The following FSTL4 variants were observed in gnomAD, a reference collection of about 807,000 sequenced individuals.
FSTL4 encodes follistatin-related protein 4.
Under a neutral mutation model 78.2 loss-of-function variants are expected in FSTL4, and 28 were observed. The observed-to-expected ratio is 0.36, with a 90% confidence interval of 0.27 to 0.49. The LOEUF (loss-of-function observed/expected upper bound fraction) is 0.49. FSTL4 is among the 20% of genes least tolerant of loss of function. The probability of loss-of-function intolerance (pLI) is 0.98; values close to 1 mark genes in which losing one functional copy is unlikely to be tolerated. For missense variants in FSTL4, 922 were observed against 1,084.9 expected (o/e 0.85, Z 2.11); for synonymous variants, 422 against 440.5 (o/e 0.96, Z 0.53).
intron 3 of FSTL4, among the ~76,000 whole-genome samples, chr5:133,437,485 G>GTTTTTTTTTTTTTTTTTTTTTTTTTTT (rs11401684): frequency 1.0e-5 from 1 of 95,384 alleles, no homozygotes; most frequent in Non-Finnish European, 2.0e-5. Context: ...GTAAATAGGT[G>GTTTTTTTTTTTTTTTTTTTTTTTTTTT]TTTTTTTTTT....
intron 2 of FSTL4, among the ~76,000 whole-genome samples, chr5:133,588,220 C>T (rs2112963676): frequency 8.7e-6 from 1 of 114,306 alleles, no homozygotes; most frequent in East Asian, 3.2e-4. Context: ...AGGACATAGG[C>T]GTGGGCAAGG....
chr5:133,416,206 T>C (rs780533838), intron 3 of FSTL4, among the ~76,000 whole-genome samples: 5 of 152,200 alleles, frequency 3.3e-5, no homozygotes, highest in Non-Finnish European at 5.9e-5. Context: ...TAAAAGGCAG[T>C]CTGAAGAAGC....
At chr5:133,209,833 T>A (rs1230226620) in intron 14 of FSTL4, 1 of 209,654 alleles carries the variant, frequency 4.8e-6, no homozygotes, top group Admixed American at 5.3e-5. Context: ...TTGGCTAACA[T>A]CTGCTGCTTG....
At chr5:133,213,070 T>C (rs1267144230) in intron 13 of FSTL4, among the ~76,000 whole-genome samples, 2 of 68,648 alleles carry the variant, frequency 2.9e-5, no homozygotes, top group Non-Finnish European at 4.0e-5. Flanking sequence ...TGGTGCAATC[T>C]TGGCTCACTG....
At chr5:133,596,227 G>A (rs919257747) in intron 2 of FSTL4, among the ~76,000 whole-genome samples, 1 of 152,158 alleles carries the variant, frequency 6.6e-6, no homozygotes, top group Non-Finnish European at 1.5e-5. Context: ...GGGAAGAGAC[G>A]TCCTCTGAAA....
In FSTL4 at chr5:133,338,668, C is replaced by G. The variant is rs1183041857; in HGVS notation, c.410-22016G>C. Among the ~76,000 whole-genome samples the G allele has an allele frequency of 6.6e-6, 1 of 152,006 alleles. No individual in the cohort carries two copies. The highest frequency in any genetic ancestry group is 2.4e-5 in the African/African-American group (1 of 41,362). On this transcript the variant is annotated intron_variant, in intron 4 of 15. Coordinates refer to ENST00000265342, the MANE Select transcript of FSTL4 (RefSeq NM_015082.2). The surrounding 1 kb of genome is among the most constrained non-coding windows in gnomAD (Gnocchi z 4.0). The stretch of plus-strand genomic sequence containing the variant: ...TGGCCTGACATTTCCCCACATTGTC[C>G]CACAGGCCCCTCAACTCAACATGGC...
intron 8 of FSTL4, among the ~76,000 whole-genome samples, chr5:133,229,823 A>T (rs936650409): frequency 6.6e-6 from 1 of 152,112 alleles, no homozygotes; most frequent in Non-Finnish European, 1.5e-5. Context: ...GTGTCAGGCA[A>T]TGTCACACAT....
At chr5:133,395,665 A>C (rs548586495) in intron 4 of FSTL4, among the ~76,000 whole-genome samples, 1 of 151,884 alleles carries the variant, frequency 6.6e-6, no homozygotes, top group African/African-American at 2.4e-5. Flanking sequence ...TCTCCCCTAC[A>C]CCCAGGATCC....
At chr5:133,429,602 T>C (rs1353697832) in intron 3 of FSTL4, among the ~76,000 whole-genome samples, 2 of 136,184 alleles carry the variant, frequency 1.5e-5, no homozygotes, top group African/African-American at 7.5e-5. Flanking sequence ...AGTAGGCCTG[T>C]CCTCTTGATT....
Position 133,611,223 on chromosome 5 carries a change from C to A in FSTL4, c.-11+1102G>T, listed in dbSNP as rs1004921382. ...GCCGCGACACCGACCTCGCCGGGCC[C>A]GCCCCGCTGACCCGCGCACTCCTAG... On this transcript the variant is annotated intron_variant, in intron 1 of 15. Transcript: ENST00000265342. This position sits in a 1 kb window ranked among gnomAD's most constrained non-coding sequence, Gnocchi z 4.9. Among the ~76,000 whole-genome samples, 2 of 152,096 alleles carry A rather than the reference C, an allele frequency of 1.3e-5. No homozygotes were observed. The highest frequency in any genetic ancestry group is 1.5e-5 in the Non-Finnish European group (1 of 68,006).
At chr5:133,262,109 A>G (rs1205128203) in intron 6 of FSTL4, among the ~76,000 whole-genome samples, 1 of 152,202 alleles carries the variant, frequency 6.6e-6, no homozygotes, top group Non-Finnish European at 1.5e-5. Flanking sequence ...CTATGCTTGA[A>G]TAAACTGCGC....
At chr5:133,252,592 G>A (rs1393358855) in intron 6 of FSTL4, among the ~76,000 whole-genome samples, 1 of 149,916 alleles carries the variant, frequency 6.7e-6, no homozygotes, top group East Asian at 2.0e-4. Flanking sequence ...TGGGTACATA[G>A]AGAGGGGGAA....
At chr5:133,283,308 C>T (rs1753053628) in intron 6 of FSTL4, among the ~76,000 whole-genome samples, 6 of 151,920 alleles carry the variant, frequency 3.9e-5, no homozygotes. Flanking sequence ...TCTAACGGGG[C>T]CATGCCGTGC....
intron 1 of FSTL4, among the ~76,000 whole-genome samples, chr5:133,607,826 C>T (rs1478604567): frequency 6.7e-6 from 1 of 150,354 alleles, no homozygotes; most frequent in East Asian, 2.0e-4. Flanking sequence ...ACATTCTACC[C>T]CGGGATGGGG....
chr5:133,574,811 G>C (rs995713203), intron 2 of FSTL4: 3 of 152,198 alleles, frequency 2.0e-5, no homozygotes, highest in African/African-American at 7.2e-5. Flanking sequence ...CTGAGGGAAA[G>C]AAAGCAGAAA....
chr5:133,617,809 A>G, the FSTL4 span, among the ~76,000 whole-genome samples: 1 of 152,212 alleles, frequency 6.6e-6, no homozygotes, highest in South Asian at 2.1e-4. Flanking sequence ...AAGTTCTTTC[A>G]CAGGGGTGCT....
the FSTL4 span, among the ~76,000 whole-genome samples, chr5:133,828,532 C>T: frequency 3.3e-5 from 5 of 152,292 alleles, no homozygotes; most frequent in East Asian, 1.9e-4. Flanking sequence ...TCTGTAGGAA[C>T]GAGTGCCCTA....
intron 3 of FSTL4, among the ~76,000 whole-genome samples, chr5:133,402,374 G>A: frequency 6.6e-6 from 1 of 152,182 alleles, no homozygotes; most frequent in East Asian, 1.9e-4. Flanking sequence ...ATCAGCACAT[G>A]TCACTAAAGG....
the FSTL4 span, among the ~76,000 whole-genome samples, chr5:133,652,521 G>A: frequency 6.6e-6 from 1 of 151,736 alleles, no homozygotes; most frequent in Admixed American, 6.6e-5. Flanking sequence ...ATGTTATTTA[G>A]AAATGTGTTG....
Sources: allele counts gnomAD v4.1 joint callset (sites outside exome capture counted in the v4.1 genomes callset), GRCh38; gene constraint gnomAD v4.1.1; non-coding constraint Gnocchi (gnomAD v3.1); transcripts MANE v1.5; gene names NCBI Gene and HGNC (gene_info 2026-07-23, HGNC 2026-07-21).